The following GRIA3 variants were observed in gnomAD, a reference collection of about 807,000 sequenced individuals.
The protein encoded by GRIA3 is glutamate ionotropic receptor AMPA type subunit 3, also known as glutamate receptor 3.
A neutral mutation model predicts 63.0 loss-of-function variants in GRIA3; 3 were observed. The ratio of observed to expected loss-of-function variants is 0.05; its 90% CI spans 0.02 to 0.12. The LOEUF is 0.12. Ranked by LOEUF, GRIA3 falls within the 10% of genes least tolerant of loss-of-function variation. GRIA3 has a pLI of 1.00. For missense variants in GRIA3, 347 were observed against 700.9 expected (o/e 0.50, Z 5.70); for synonymous variants, 274 against 257.9 (o/e 1.06, Z -0.60).
At chrX:123,264,908 A>T (rs999094221) in intron 3 of GRIA3, among the ~76,000 whole-genome samples, 6 of 111,774 alleles carry the variant, frequency 5.4e-5, no homozygotes, top group Admixed American at 1.9e-4. Context: ...TCAGAACCTC[A>T]GTTCCAGGCC....
intron 2 of GRIA3, among the ~76,000 whole-genome samples, chrX:123,230,794 C>A (rs1327298822): frequency 9.0e-6 from 1 of 111,669 alleles, no homozygotes; most frequent in Admixed American, 9.5e-5. Context: ...GTTCTATCAT[C>A]CAGCTGGGGC....
intron 4 of GRIA3, among the ~76,000 whole-genome samples, chrX:123,347,412 C>T (rs1480592223): frequency 8.9e-6 from 1 of 112,212 alleles, no homozygotes; most frequent in Non-Finnish European, 1.9e-5. Context: ...CCAAAGAACA[C>T]ATTAGGTTTC....
intron 2 of GRIA3, among the ~76,000 whole-genome samples, chrX:123,247,007 C>A (rs960031150): frequency 9.0e-5 from 10 of 111,344 alleles, no homozygotes; most frequent in African/African-American, 2.6e-4. Context: ...TAGAAAGCAC[C>A]AGACTATATG....
chrX:123,275,132 T>C (rs2044547227), intron 3 of GRIA3, among the ~76,000 whole-genome samples: 1 of 111,053 alleles, frequency 9.0e-6, no homozygotes, highest in African/African-American at 3.3e-5. Context: ...ATAACAATAA[T>C]AATAACAATA....
intron 3 of GRIA3, among the ~76,000 whole-genome samples, chrX:123,322,576 C>A (rs1402390142): frequency 9.1e-6 from 1 of 110,105 alleles, no homozygotes; most frequent in Non-Finnish European, 1.9e-5. Context: ...CTTTTTTTTT[C>A]TCCCTCAAGC....
intron 2 of GRIA3, among the ~76,000 whole-genome samples, chrX:123,219,338 A>T (rs1486046203): frequency 8.9e-6 from 1 of 111,985 alleles, no homozygotes; most frequent in Non-Finnish European, 1.9e-5. Flanking sequence ...TTCCTGGGTC[A>T]TCTATAAACT....
intron 5 of GRIA3, among the ~76,000 whole-genome samples, chrX:123,380,483 G>T (rs1222908288): frequency 1.8e-5 from 2 of 111,622 alleles, no homozygotes; most frequent in Non-Finnish European, 3.8e-5. Context: ...CCCACTTTTT[G>T]ATGGGGTTGT....
chrX:123,353,017 T>TA (rs2045106795), intron 4 of GRIA3, among the ~76,000 whole-genome samples: 2 of 61,525 alleles, frequency 3.3e-5, no homozygotes, highest in Non-Finnish European at 7.0e-5. Flanking sequence ...TCTCTCTCTC[T>TA]CATACACACA....
intron 15 of GRIA3, among the ~76,000 whole-genome samples, chrX:123,483,439 C>A (rs2045922773): frequency 8.9e-6 from 1 of 111,952 alleles, no homozygotes; most frequent in Non-Finnish European, 1.9e-5. Flanking sequence ...ATGATCCTTT[C>A]AACATGTTAT....
At chrX:123,446,338 T>C (rs1437341015) in intron 12 of GRIA3, among the ~76,000 whole-genome samples, 1 of 112,453 alleles carries the variant, frequency 8.9e-6, no homozygotes, top group Non-Finnish European at 1.9e-5. Context: ...GCATGACTCC[T>C]ACCTGCTTCT....
At chrX:123,413,559 A>C (rs928246694) in intron 10 of GRIA3, among the ~76,000 whole-genome samples, 21 of 97,597 alleles carry the variant, frequency 2.2e-4, no homozygotes, top group African/African-American at 6.5e-4. Flanking sequence ...AAAAAAAAAA[A>C]AAAAAAAAAA....
At chrX:123,401,763 T>C (rs1223864183) in intron 7 of GRIA3, among the ~76,000 whole-genome samples, 2 of 112,246 alleles carry the variant, frequency 1.8e-5, no homozygotes, top group Admixed American at 1.9e-4. Context: ...CTGCCACCTC[T>C]GACTTGTTTG....
intron 3 of GRIA3, among the ~76,000 whole-genome samples, chrX:123,269,362 CAT>C (rs1260107512): frequency 8.9e-6 from 1 of 112,028 alleles, no homozygotes; most frequent in Non-Finnish European, 1.9e-5. Context: ...GTTTCTGCCA[CAT>C]AGTTAGCATT....
At chrX:123,286,877 C>T (rs1242555995) in intron 3 of GRIA3, among the ~76,000 whole-genome samples, 1 of 111,821 alleles carries the variant, frequency 8.9e-6, no homozygotes, top group Non-Finnish European at 1.9e-5. Context: ...CTATTCCAAA[C>T]TACAGAAAAA....
At chrX:123,274,099 T>A (rs2044539679) in intron 3 of GRIA3, among the ~76,000 whole-genome samples, 1 of 112,464 alleles carries the variant, frequency 8.9e-6, no homozygotes, top group South Asian at 3.7e-4. Context: ...GGTTACCAGA[T>A]GAAATATAGG....
chrX:123,306,959 G>A (rs958365214), intron 3 of GRIA3, among the ~76,000 whole-genome samples: 2 of 111,821 alleles, frequency 1.8e-5, no homozygotes, highest in Admixed American at 9.5e-5. Flanking sequence ...ATCTAATGCC[G>A]AAAGCTTGCA....
chrX:123,438,346 T>G (rs1442697520), intron 12 of GRIA3, among the ~76,000 whole-genome samples: 1 of 112,492 alleles, frequency 8.9e-6, no homozygotes, highest in Non-Finnish European at 1.9e-5. Flanking sequence ...TTCCACTGTA[T>G]GTATATGCCA....
intron 4 of GRIA3, among the ~76,000 whole-genome samples, chrX:123,326,957 C>T (rs1382647396): frequency 9.4e-6 from 1 of 106,448 alleles, no homozygotes; most frequent in African/African-American, 3.5e-5. Flanking sequence ...TGAGACAGAG[C>T]AAGACTCTGT....
chrX:123,344,782 C>A (rs1308087422), intron 4 of GRIA3, among the ~76,000 whole-genome samples: 9 of 111,652 alleles, frequency 8.1e-5, no homozygotes, highest in African/African-American at 2.9e-4. Context: ...CCCTAAGGGA[C>A]CACCTCATAG....
Sources: gnomAD v4.1 joint callset for allele counts (sites outside exome capture counted in the v4.1 genomes callset) on GRCh38, gnomAD v4.1.1 for gene constraint, MANE v1.5 for transcripts, NCBI Gene and HGNC (gene_info 2026-07-23, HGNC 2026-07-21) for gene names.